Variants in SELP observed in about 807,000 individuals in gnomAD.
SELP encodes the protein selectin P.
A neutral mutation model predicts 104.1 loss-of-function variants in SELP; 92 were observed. The ratio of observed to expected loss-of-function variants is 0.88; its 90% CI spans 0.75 to 1.05. The LOEUF (loss-of-function observed/expected upper bound fraction) is 1.05. Ranked by LOEUF, SELP falls within the 50% of genes least tolerant of loss-of-function variation. The probability of loss-of-function intolerance (pLI) is 0.00; values close to 1 mark genes in which losing one functional copy is unlikely to be tolerated. For missense variants in SELP, 1,022 were observed against 1,017.3 expected (o/e 1.00, Z -0.06); for synonymous variants, 397 against 364.5 (o/e 1.09, Z -1.01).
chr1:169,591,457 C>G lies in SELP; in HGVS notation c.2408-1G>C, dbSNP rs538302479. 9.4e-5 allele frequency: 145 copies of G among 1,549,294 alleles called. No homozygotes were observed. The South Asian group carries it at 1.7e-3, about 18-fold the overall frequency. On this transcript the variant is annotated splice_acceptor_variant, in intron 14 of 16. Coordinates refer to ENST00000263686, the MANE Select transcript of SELP (RefSeq NM_003005.4). LOFTEE classifies it high-confidence loss of function. ...GGATTCAAGGGGCATTTCCCATCATCTAAAATCAGCAAGAAGACAAGAATG... is the reference window on the plus strand; with the variant it reads ...GGATTCAAGGGGCATTTCCCATCATGTAAAATCAGCAAGAAGACAAGAATG...
intron 15 of SELP, among the ~76,000 whole-genome samples, 171 bp downstream of exon 15, chr1:169,591,255 T>C (rs1261937926): frequency 6.6e-6 from 1 of 152,208 alleles, no homozygotes; most frequent in African/African-American, 2.4e-5. Context: ...CTTTATATTT[T>C]AATTAGAATA....
At chr1:169,626,216 G>C (rs892289940) in intron 1 of SELP, among the ~76,000 whole-genome samples, 1 of 152,188 alleles carries the variant, frequency 6.6e-6, no homozygotes. Flanking sequence ...ATACGAGCCG[G>C]GGGTAGTGAC....
intron 13 of SELP, 90 bp from the exon 14 acceptor site, chr1:169,593,814 T>C: frequency 7.2e-7 from 1 of 1,386,796 alleles, no homozygotes; most frequent in East Asian, 2.3e-5. Flanking sequence ...TCAAGAACTC[T>C]AAGATGTGCG....
chr1:169,591,517 G>A, intron 14 of SELP, 61 bp from the exon 15 acceptor site: 1 of 1,220,596 alleles, frequency 8.2e-7, no homozygotes, highest in Non-Finnish European at 1.2e-6. Flanking sequence ...TGAAAGAGAG[G>A]GTCATTAAGG....
chr1:169,612,442 A>T, intron 5 of SELP, 40 bp from the exon 6 acceptor site: 6 of 1,601,546 alleles, frequency 3.7e-6, no homozygotes, highest in Non-Finnish European at 5.1e-6. Flanking sequence ...GTCCTTGGAC[A>T]AATTTTGTCC....
At chr1:169,592,079 T>C (rs923633613) in intron 14 of SELP, among the ~76,000 whole-genome samples, 1 of 152,200 alleles carries the variant, frequency 6.6e-6, no homozygotes, top group African/African-American at 2.4e-5. Context: ...GGGGGAAACA[T>C]CAAGATTAGA....
chr1:169,597,254 T>C (rs928101090), intron 10 of SELP, 78 bp from the exon 11 acceptor site: 4 of 1,285,522 alleles, frequency 3.1e-6, no homozygotes, highest in Admixed American at 2.5e-5. Flanking sequence ...CATTCACTTA[T>C]ATATTCAAAA....
intron 7 of SELP, among the ~76,000 whole-genome samples, chr1:169,610,021 T>C (rs1471616324): frequency 1.3e-5 from 2 of 152,124 alleles, no homozygotes; most frequent in South Asian, 4.1e-4. Flanking sequence ...TTCTTCCCCA[T>C]TATACCGTGG....
chr1:169,605,002 G>C (rs1662112901), intron 9 of SELP, among the ~76,000 whole-genome samples: 1 of 152,208 alleles, frequency 6.6e-6, no homozygotes, highest in South Asian at 2.1e-4. Context: ...AGAGGAGAAA[G>C]TTCAGAGTAA....
intron 14 of SELP, among the ~76,000 whole-genome samples, chr1:169,592,763 C>A (rs1346636376): frequency 6.6e-6 from 1 of 152,158 alleles, no homozygotes; most frequent in Non-Finnish European, 1.5e-5. Context: ...GGAGAAAAAG[C>A]AAATCTCTTA....
chr1:169,607,771 A>T (rs1202127942), intron 8 of SELP, among the ~76,000 whole-genome samples: 1 of 152,230 alleles, frequency 6.6e-6, no homozygotes, highest in Non-Finnish European at 1.5e-5. Context: ...CTGAGATCAT[A>T]GAAAGTGCTC....
At chr1:169,624,491 T>G (rs1663279449) in intron 1 of SELP, among the ~76,000 whole-genome samples, 1 of 152,198 alleles carries the variant, frequency 6.6e-6, no homozygotes, top group African/African-American at 2.4e-5. Flanking sequence ...GGCTCATGCC[T>G]CTAATCCCAG....
chr1:169,599,480 A>G (rs1661794041), intron 10 of SELP, among the ~76,000 whole-genome samples: 3 of 152,156 alleles, frequency 2.0e-5, no homozygotes, highest in African/African-American at 4.8e-5. Flanking sequence ...ATGGGTATTC[A>G]TTGGTGTTCT....
chr1:169,593,678 C>G lies in SELP; in HGVS notation c.2334G>C (p.Ala778=), dbSNP rs140303776. The G allele has an allele frequency of 2.0e-5, 32 of 1,613,206 alleles. No individual in the cohort carries two copies. The highest frequency in any genetic ancestry group is 1.6e-4 in the Middle Eastern group (1 of 6,078). ...IQEALTYFGG[A]VASTIGLIMG... ...TTATCAGACCTATCGTAGAAGCCAC[C>G]GCTCCACCAAAGTAAGTCAGGGCTT... is the stretch of plus-strand genomic sequence containing the variant. The change falls in exon 14 of 17, where the codon GCG becomes GCC. Residue 778 remains alanine, a synonymous_variant. Transcript: ENST00000263686.
chr1:169,620,274 C>T (rs889811186), intron 1 of SELP, among the ~76,000 whole-genome samples: 5 of 152,016 alleles, frequency 3.3e-5, no homozygotes, highest in African/African-American at 1.2e-4. Flanking sequence ...CCGACTTCCT[C>T]ATGTTGCACA....
At chr1:169,616,969 C>T in intron 3 of SELP, 59 bp downstream of exon 3, 2 of 1,370,880 alleles carry the variant, frequency 1.5e-6, no homozygotes, top group South Asian at 2.1e-5. Flanking sequence ...GTTGGCCAAC[C>T]AGAGAAGGCA....
At chr1:169,615,091 C>T (rs1662740186) in intron 3 of SELP, among the ~76,000 whole-genome samples, 1 of 152,176 alleles carries the variant, frequency 6.6e-6, no homozygotes, top group Non-Finnish European at 1.5e-5. Flanking sequence ...TCCTTTGGAT[C>T]TCCAGGGAGA....
chr1:169,612,426 G>A, intron 5 of SELP, 24 bp from the exon 6 acceptor site: 1 of 1,609,658 alleles, frequency 6.2e-7, no homozygotes, highest in Non-Finnish European at 8.5e-7. Context: ...CAGAATAATA[G>A]TGTGAGTCCT....
At chr1:169,606,798 G>T in intron 9 of SELP, 151 bp downstream of exon 9, 1 of 694,662 alleles carries the variant, frequency 1.4e-6, no homozygotes, top group Non-Finnish European at 2.4e-6. Context: ...TGGGATCCTT[G>T]GGTTATAGGA....
Sources: allele counts gnomAD v4.1 joint callset (sites outside exome capture counted in the v4.1 genomes callset), GRCh38; gene constraint gnomAD v4.1.1; transcripts MANE v1.5; gene names NCBI Gene and HGNC (gene_info 2026-07-23, HGNC 2026-07-21).